The following CACNB2 variants were observed in gnomAD, a reference collection of about 807,000 sequenced individuals.
CACNB2 encodes the protein voltage-dependent L-type calcium channel subunit beta-2.
Under a neutral mutation model 73.3 loss-of-function variants are expected in CACNB2, and 42 were observed. The ratio of observed to expected loss-of-function variants is 0.57; its 90% CI spans 0.45 to 0.74. The LOEUF (loss-of-function observed/expected upper bound fraction) is 0.74. Ranked by LOEUF, CACNB2 falls within the 30% of genes least tolerant of loss-of-function variation. The pLI is 0.00. For missense variants in CACNB2, 940 were observed against 853.0 expected, an observed-to-expected ratio of 1.10 and a Z score of -1.27; for synonymous variants, 348 against 310.3, an observed-to-expected ratio of 1.12 and a Z score of -1.28.
Position 18,442,910 on chromosome 10 carries a change from ATATATATATATATATG to A in CACNB2, c.333+40885_333+40900del, listed in dbSNP as rs1254380088. 2.4e-4 allele frequency among the ~76,000 whole-genome samples: 12 copies of A among 50,452 alleles called. 1 individual carries two copies. Among genetic ancestry groups the A allele is most frequent in the African/African-American group, 3.7e-4 (2 of 5,454 alleles). The allele number at this position is 50,452 out of a possible 152,430, so 33.1% of individuals were successfully genotyped here. On this transcript the variant is annotated intron_variant, in intron 3 of 13. Transcript: ENST00000324631. ...GTTGTTGGGTCTACATGTAAAAACA[ATATATATATATATATG>A]TATATATATATATATGTGTATATAT...
At chr10:18,412,100 A>G (rs1305132950) in intron 3 of CACNB2, among the ~76,000 whole-genome samples, 1 of 152,122 alleles carries the variant, frequency 6.6e-6, no homozygotes, top group Non-Finnish European at 1.5e-5. Flanking sequence ...ATGGTTGTTT[A>G]TCCTCCAACA....
At chr10:18,323,372 T>C (rs2040466044) in intron 2 of CACNB2, among the ~76,000 whole-genome samples, 1 of 149,262 alleles carries the variant, frequency 6.7e-6, no homozygotes, top group African/African-American at 2.5e-5. Flanking sequence ...TCTAAGTATA[T>C]ATTTTTTGAG....
intron 2 of CACNB2, among the ~76,000 whole-genome samples, chr10:18,368,869 A>C (rs554203163): frequency 6.6e-6 from 1 of 152,270 alleles, no homozygotes; most frequent in African/African-American, 2.4e-5. Flanking sequence ...AATCATGTTA[A>C]ACAGTTACAG....
chr10:18,161,023 C>T (rs1001880105), intron 2 of CACNB2, among the ~76,000 whole-genome samples: 1 of 152,146 alleles, frequency 6.6e-6, no homozygotes, highest in African/African-American at 2.4e-5. Context: ...GGTGTCTCCC[C>T]CTACCCGCCT....
intron 2 of CACNB2, among the ~76,000 whole-genome samples, chr10:18,322,959 C>CTTTT (rs35664294): frequency 4.1e-4 from 44 of 106,310 alleles, no homozygotes; most frequent in Non-Finnish European, 6.3e-4. Flanking sequence ...TGGTGATATT[C>CTTTT]TTTTTTTTTT....
At chr10:18,255,718 T>C (rs565161286) in intron 2 of CACNB2, among the ~76,000 whole-genome samples, 11 of 152,314 alleles carry the variant, frequency 7.2e-5, no homozygotes, top group African/African-American at 2.6e-4. Flanking sequence ...AGGCTCTTCA[T>C]AGTTGCAGAC....
intron 2 of CACNB2, among the ~76,000 whole-genome samples, chr10:18,164,097 A>G (rs1189845257): frequency 6.6e-6 from 1 of 152,240 alleles, no homozygotes; most frequent in African/African-American, 2.4e-5. Flanking sequence ...TTGCAGTTTT[A>G]AAAAGATCTT....
chr10:18,477,442 G>A (rs531959501), intron 3 of CACNB2, among the ~76,000 whole-genome samples: 10 of 152,308 alleles, frequency 6.6e-5, no homozygotes, highest in Non-Finnish European at 1.2e-4. Context: ...TGGAGTTGCT[G>A]TTGTTAGAAT....
At chr10:18,349,871 A>G (rs1403282366) in intron 2 of CACNB2, among the ~76,000 whole-genome samples, 3 of 152,228 alleles carry the variant, frequency 2.0e-5, no homozygotes, top group African/African-American at 2.4e-5. Context: ...TGCTTAAAAT[A>G]CAATTTAATA....
intron 2 of CACNB2, chr10:18,151,411 G>T (rs1486760552): frequency 1.7e-5 from 3 of 175,814 alleles, no homozygotes; most frequent in Non-Finnish European, 3.6e-5. Context: ...TCTTGGTCTT[G>T]AAATGGTTGA....
At chr10:18,239,581 A>G (rs2036572457) in intron 2 of CACNB2, among the ~76,000 whole-genome samples, 1 of 152,192 alleles carries the variant, frequency 6.6e-6, no homozygotes, top group African/African-American at 2.4e-5. Context: ...ACATTGATGG[A>G]CACTTAGGTT....
In CACNB2 at chr10:18,538,273, C is replaced by G. The variant is rs1164299168; in HGVS notation, c.1396C>G (p.Pro466Ala). The change falls in exon 13 of 14, where the codon CCT becomes GCT. Residue 466 changes from proline (P) to alanine (A), a missense_variant. By Grantham distance (27) the Pro-to-Ala change is conservative. Coordinates refer to ENST00000324631, the MANE Select transcript of CACNB2 (RefSeq NM_201596.3). ...YLEAYWKATH[P>A]PSSSLPNPLL... The stretch of plus-strand genomic sequence containing the variant: ...GGAGGCCTACTGGAAGGCCACCCAT[C>G]CTCCCAGCAGTAGCCTCCCCAACCC... 18 of 1,614,104 alleles carry G rather than the reference C, an allele frequency of 1.1e-5. No homozygotes were observed. Among genetic ancestry groups the G allele is most frequent in the Non-Finnish European group, 1.5e-5 (18 of 1,179,948 alleles).
At chr10:18,193,681 T>C (rs750492428) in intron 2 of CACNB2, among the ~76,000 whole-genome samples, 1 of 152,186 alleles carries the variant, frequency 6.6e-6, no homozygotes, top group African/African-American at 2.4e-5. Context: ...TCCTTGAAGA[T>C]GGAGTGAGCT....
chr10:18,206,653 G>C (rs2035107071), intron 2 of CACNB2: 1 of 152,296 alleles, frequency 6.6e-6, no homozygotes, highest in Non-Finnish European at 1.5e-5. Flanking sequence ...TTCCAGAAAG[G>C]GGCACATGCA....
intron 9 of CACNB2, among the ~76,000 whole-genome samples, chr10:18,527,301 G>C (rs1340817521): frequency 6.6e-6 from 1 of 152,066 alleles, no homozygotes; most frequent in Non-Finnish European, 1.5e-5. Context: ...ACTTGAACCT[G>C]AAAGGTGGAG....
chr10:18,414,349 A>G (rs938272789), intron 3 of CACNB2, among the ~76,000 whole-genome samples: 15 of 152,162 alleles, frequency 9.9e-5, no homozygotes, highest in African/African-American at 3.4e-4. Context: ...ACAAAATTAC[A>G]CATTGCTCTC....
intron 3 of CACNB2, among the ~76,000 whole-genome samples, chr10:18,492,051 T>G (rs1057086008): frequency 6.6e-6 from 1 of 152,132 alleles, no homozygotes; most frequent in Non-Finnish European, 1.5e-5. Context: ...TCAGGAGACT[T>G]ACAGTCGTCT....
At chr10:18,182,994 A>G (rs1360460) in intron 2 of CACNB2, among the ~76,000 whole-genome samples, 88,940 of 151,726 alleles carry the variant, frequency 0.59, 26,697 homozygotes, top group Non-Finnish European at 0.65. Context: ...TTGAATTGTA[A>G]CATCTTTTTT....
chr10:18,234,615 A>G (rs2036357786), intron 2 of CACNB2, among the ~76,000 whole-genome samples: 1 of 152,248 alleles, frequency 6.6e-6, no homozygotes, highest in Non-Finnish European at 1.5e-5. Flanking sequence ...AGCCAGTCAC[A>G]AAAAGGACAA....
Sources: allele counts gnomAD v4.1 joint callset (sites outside exome capture counted in the v4.1 genomes callset), GRCh38; gene constraint gnomAD v4.1.1; transcripts MANE v1.5; gene names NCBI Gene and HGNC (gene_info 2026-07-23, HGNC 2026-07-21).